The following SMAD9 variants were observed in gnomAD, a reference collection of about 807,000 sequenced individuals.
SMAD9 encodes SMAD family member 9.
In SMAD9, 36 loss-of-function variants were observed where a neutral mutation model predicts 46.1. The observed-to-expected ratio is 0.78, with a 90% CI of 0.60 to 1.03. SMAD9 has a LOEUF of 1.03. Ranked by LOEUF, SMAD9 falls within the 50% of genes least tolerant of loss-of-function variation. The pLI, the probability that SMAD9 is intolerant of heterozygous loss-of-function variation, is 0.00. For missense variants in SMAD9, 572 were observed against 599.8 expected, an observed-to-expected ratio of 0.95 and a Z score of 0.48; for synonymous variants, 245 against 237.1, an observed-to-expected ratio of 1.03 and a Z score of -0.31.
chr13:36,872,065 T>C (rs1269879406), intron 3 of SMAD9, among the ~76,000 whole-genome samples: 1 of 152,188 alleles, frequency 6.6e-6, no homozygotes. Flanking sequence ...AGAGCAATTA[T>C]GACAGCATGC....
chr13:36,860,382 C>T lies in SMAD9; in HGVS notation c.1003+5155G>A, dbSNP rs182124189. Among the ~76,000 whole-genome samples, 182 of 151,870 alleles carry T rather than the reference C, an allele frequency of 1.2e-3. 1 individual carries two copies. The highest frequency in any genetic ancestry group is 4.3e-3 in the African/African-American group (178 of 41,420). On this transcript the variant is annotated intron_variant, in intron 5 of 6. Transcript: ENST00000379826. ...TTTTCAGGATACGCTTGATCTATCT[C>T]AGAAAGTTCAATAACCAGGGTTAAT...
chr13:36,894,023 AT>A (rs1236678730), intron 1 of SMAD9, among the ~76,000 whole-genome samples: 1 of 152,218 alleles, frequency 6.6e-6, no homozygotes, highest in East Asian at 1.9e-4. Context: ...TGTTAACAAT[AT>A]TTCTTATCAG....
chr13:36,854,473 T>C (rs951801061), intron 5 of SMAD9, among the ~76,000 whole-genome samples: 6 of 152,172 alleles, frequency 3.9e-5, no homozygotes, highest in Non-Finnish European at 8.8e-5. Flanking sequence ...GCTCAGGTGA[T>C]TCTCCTGTCT....
intron 2 of SMAD9, among the ~76,000 whole-genome samples, chr13:36,877,560 A>G (rs2058357199): frequency 6.6e-6 from 1 of 152,208 alleles, no homozygotes; most frequent in African/African-American, 2.4e-5. Context: ...ATGTAATTCA[A>G]ATCTTTGAAA....
chr13:36,886,555 T>A (rs1477009474), intron 1 of SMAD9, among the ~76,000 whole-genome samples: 2 of 152,232 alleles, frequency 1.3e-5, no homozygotes, highest in Non-Finnish European at 2.9e-5. Flanking sequence ...CATTCACATA[T>A]CTCAGCAAAT....
chr13:36,912,222 C>T (rs574968980), intron 1 of SMAD9, among the ~76,000 whole-genome samples: 52 of 152,278 alleles, frequency 3.4e-4, no homozygotes, highest in African/African-American at 1.2e-3. Flanking sequence ...TTCTCCTTTG[C>T]CTACAGATTA....
intron 1 of SMAD9, among the ~76,000 whole-genome samples, chr13:36,888,321 CTT>C (rs1371189315): frequency 6.6e-6 from 1 of 152,164 alleles, no homozygotes; most frequent in Non-Finnish European, 1.5e-5. Flanking sequence ...GCACTTCCCC[CTT>C]CTCTCTTTCC....
At chr13:36,894,909 G>C (rs1387711572) in intron 1 of SMAD9, among the ~76,000 whole-genome samples, 1 of 152,016 alleles carries the variant, frequency 6.6e-6, no homozygotes, top group Non-Finnish European at 1.5e-5. Flanking sequence ...AACACTACTT[G>C]GCCATGATTT....
At chr13:36,864,335 C>A (rs572582670) in intron 5 of SMAD9, among the ~76,000 whole-genome samples, 1 of 152,206 alleles carries the variant, frequency 6.6e-6, no homozygotes, top group Non-Finnish European at 1.5e-5. Context: ...ACGTTTGAAC[C>A]AGAGCAACTC....
At chr13:36,912,951 C>T (rs1215590612) in intron 1 of SMAD9, among the ~76,000 whole-genome samples, 1 of 152,174 alleles carries the variant, frequency 6.6e-6, no homozygotes, top group Non-Finnish European at 1.5e-5. Context: ...TCCAAGGATG[C>T]TCAAGTCCCT....
chr13:36,865,068 CA>C lies in SMAD9; in HGVS notation c.1003+468del, dbSNP rs1369634268. On this transcript the variant is annotated intron_variant, in intron 5 of 6. Coordinates refer to ENST00000379826, the MANE Select transcript of SMAD9 (RefSeq NM_001127217.3). ...CCTGCACACAGGAGAGCCCCAATCA[CA>C]TGCCAAAGGCTTCCAGACATAAATC... Among the ~76,000 whole-genome samples, 6 of 152,198 alleles carry C rather than the reference CA, an allele frequency of 3.9e-5. 1 individual carries two copies. Among genetic ancestry groups the C allele is most frequent in the African/African-American group, 1.4e-4 (6 of 41,464 alleles).
intron 1 of SMAD9, among the ~76,000 whole-genome samples, chr13:36,918,685 A>G (rs1044585011): frequency 6.6e-6 from 1 of 152,220 alleles, no homozygotes; most frequent in Non-Finnish European, 1.5e-5. Context: ...AAACTCTTAT[A>G]TTGAATCTTT....
At position 36,854,162 on chromosome 13, in the gene SMAD9, AAAAT is replaced by A. The variant is rs1283916526; in HGVS notation, c.1004-491_1004-488del. Among the ~76,000 whole-genome samples the A allele has an allele frequency of 7.9e-4, 120 of 152,218 alleles. 4 individuals carry two copies. The highest frequency in any genetic ancestry group is 2.8e-3 in the African/African-American group (117 of 41,544). ...TGACAGAGCAAGATGTCATCTCAAA[AAAAT>A]AAATAAATAAAAATAAAAAAATAAA... is the stretch of plus-strand genomic sequence containing the variant. On this transcript the variant is annotated intron_variant, in intron 5 of 6. Coordinates refer to ENST00000379826, the MANE Select transcript of SMAD9 (RefSeq NM_001127217.3).
At chr13:36,887,041 T>C (rs34416493) in intron 1 of SMAD9, among the ~76,000 whole-genome samples, 4 of 36,510 alleles carry the variant, frequency 1.1e-4, no homozygotes, top group South Asian at 9.5e-4. Context: ...TTTGAATGGG[T>C]TTTTTTTTTT....
intron 5 of SMAD9, 57 bp downstream of exon 5, chr13:36,865,480 C>T: frequency 2.1e-6 from 3 of 1,446,420 alleles, no homozygotes; most frequent in South Asian, 1.2e-5. Context: ...CACTTCTACA[C>T]ACATGACCAT....
chr13:36,878,672 G>C (rs1271230969), intron 2 of SMAD9, among the ~76,000 whole-genome samples: 1 of 152,026 alleles, frequency 6.6e-6, no homozygotes, highest in Non-Finnish European at 1.5e-5. Context: ...ACCTGAACTT[G>C]AACAAAGTAG....
intron 5 of SMAD9, among the ~76,000 whole-genome samples, chr13:36,860,963 GCTAA>G (rs1486492218): frequency 3.3e-5 from 5 of 152,162 alleles, no homozygotes; most frequent in East Asian, 1.9e-4. Context: ...GTGTGCTAGT[GCTAA>G]CTGTTAGTAG....
intron 1 of SMAD9, among the ~76,000 whole-genome samples, chr13:36,881,068 G>A (rs1253440814): frequency 6.6e-6 from 1 of 152,174 alleles, no homozygotes; most frequent in African/African-American, 2.4e-5. Flanking sequence ...AAAAAGCACA[G>A]CTGTCACATT....
In SMAD9 at chr13:36,879,199, G is replaced by C. The variant is rs570540560; in HGVS notation, c.412+79C>G. The stretch of plus-strand genomic sequence containing the variant: ...CTTTTGGGAGAGGTCCCTGTCTGCT[G>C]GTGCCCCATCATTCTCCATCAATGG... On this transcript the variant is annotated intron_variant, in intron 2 of 6. Coordinates refer to ENST00000379826, the MANE Select transcript of SMAD9 (RefSeq NM_001127217.3). The C allele has an allele frequency of 1.2e-4, 151 of 1,229,202 alleles. 2 individuals are homozygous for C. In the South Asian group the frequency reaches 1.8e-3, roughly 14 times the overall value. 76.1% of individuals were successfully genotyped at this position (1,229,202 alleles called of 1,614,324 possible). A position where few individuals can be genotyped will look rare whatever the true frequency, so the allele number is the denominator to read the frequency against.
Sources: allele counts gnomAD v4.1 joint callset (sites outside exome capture counted in the v4.1 genomes callset), GRCh38; gene constraint gnomAD v4.1.1; transcripts MANE v1.5; gene names NCBI Gene and HGNC (gene_info 2026-07-23, HGNC 2026-07-21).